The following TPPP variants were observed in gnomAD, a reference collection of about 807,000 sequenced individuals.
TPPP encodes tubulin polymerization-promoting protein.
TPPP carries 6 observed loss-of-function variants against 15.5 expected under a neutral mutation model. The ratio of observed to expected loss-of-function variants is 0.39; its 90% CI spans 0.21 to 0.77. The LOEUF is 0.77. TPPP is among the 30% of genes least tolerant of loss of function. The pLI is 0.42. For synonymous variants in TPPP, 146 were observed against 133.9 expected (o/e 1.09, Z -0.63); for missense variants, 269 against 307.2 (o/e 0.88, Z 0.93).
intron 1 of TPPP, among the ~76,000 whole-genome samples, chr5:682,114 A>C (rs1740640156): frequency 6.6e-6 from 1 of 150,858 alleles, no homozygotes; most frequent in South Asian, 2.1e-4. Context: ...AACTTACAGA[A>C]AACCTGCCAG....
intron 1 of TPPP, among the ~76,000 whole-genome samples, chr5:681,383 G>T (rs1740616536): frequency 2.0e-5 from 3 of 152,114 alleles, no homozygotes. Flanking sequence ...AGCCCCCAGG[G>T]GGTCACCCTG....
chr5:675,149 A>AGGGGTGCAGTGTGGCTG (rs1740367197), intron 2 of TPPP, among the ~76,000 whole-genome samples: 1 of 85,932 alleles, frequency 1.2e-5, no homozygotes, highest in African/African-American at 4.6e-5. Context: ...CAGTGTGGCC[A>AGGGGTGCAGTGTGGCTG]GGGGTGCAGT....
At chr5:696,943 C>T (rs1352601228), upstream of TPPP, among the ~76,000 whole-genome samples, 3 of 149,248 alleles carry the variant, frequency 2.0e-5, no homozygotes, top group Admixed American at 6.8e-5. Context: ...TGTGTTTGCA[C>T]CTGTATGTCC....
chr5:665,919 G>GGGCC, intron 3 of TPPP, 51 bp downstream of exon 3: 4 of 344,042 alleles, frequency 1.2e-5, no homozygotes, highest in Non-Finnish European at 1.6e-5. Flanking sequence ...CACCTTCCAG[G>GGGCC]CCCCGCCCCC....
At chr5:676,986 A>G (rs1740468104) in intron 2 of TPPP, among the ~76,000 whole-genome samples, 1 of 114,506 alleles carries the variant, frequency 8.7e-6, no homozygotes, top group Non-Finnish European at 2.1e-5. Context: ...CACACGACGC[A>G]GAAACGCGCA....
intron 2 of TPPP, among the ~76,000 whole-genome samples, chr5:669,206 C>T (rs551815031): frequency 5.9e-5 from 9 of 152,274 alleles, no homozygotes; most frequent in South Asian, 4.1e-4. Context: ...AGGGCAGCCA[C>T]GCAGGGCACA....
chr5:674,226 AC>A (rs1479050816), intron 2 of TPPP, among the ~76,000 whole-genome samples: 1 of 152,154 alleles, frequency 6.6e-6, no homozygotes, highest in Non-Finnish European at 1.5e-5. Flanking sequence ...CACAGAGGGC[AC>A]CCAGGGACTC....
intron 2 of TPPP, among the ~76,000 whole-genome samples, chr5:670,026 C>T (rs955698500): frequency 3.3e-5 from 5 of 152,200 alleles, no homozygotes; most frequent in Admixed American, 6.5e-5. Flanking sequence ...AGGACGCAGC[C>T]GCTGCTCATA....
In TPPP at chr5:664,872, G is replaced by A; in HGVS notation, c.*230C>T. The stretch of plus-strand genomic sequence containing the variant: ...GGAAATGGCTGAGGACGAGGCAGGT[G>A]TATTAGGAGGGTCAGCGAACTGGGG... On this transcript the variant is annotated 3_prime_UTR_variant, in exon 4 of 4. Coordinates refer to ENST00000360578, the MANE Select transcript of TPPP (RefSeq NM_007030.3). 1.7e-6 allele frequency: 1 copy of A among 573,824 alleles called. No homozygotes were observed. The highest frequency in any genetic ancestry group is 2.9e-5 in the East Asian group (1 of 34,696). 35.5% of individuals were successfully genotyped at this position (573,824 alleles called of 1,614,324 possible).
At chr5:668,728 G>A (rs1383824156) in intron 2 of TPPP, among the ~76,000 whole-genome samples, 1 of 152,220 alleles carries the variant, frequency 6.6e-6, no homozygotes, top group African/African-American at 2.4e-5. Flanking sequence ...ACACATAAAC[G>A]CAAATGTTTA....
intron 1 of TPPP, among the ~76,000 whole-genome samples, chr5:682,915 A>G (rs572587573): frequency 6.6e-6 from 1 of 152,216 alleles, no homozygotes; most frequent in Admixed American, 6.5e-5. Context: ...AGTGGGAGCT[A>G]CCACCCCTCA....
intron 1 of TPPP, among the ~76,000 whole-genome samples, chr5:684,227 G>A (rs1408064855): frequency 2.6e-5 from 4 of 152,342 alleles, no homozygotes; most frequent in Admixed American, 6.5e-5. Context: ...GCCCCAGGAC[G>A]CTGACTGAGG....
chr5:675,447 T>G (rs1580087975), intron 2 of TPPP, among the ~76,000 whole-genome samples: 1 of 27,088 alleles, frequency 3.7e-5, no homozygotes. Context: ...GGGTGCAGTG[T>G]GGCTGGGGTG....
At chr5:679,341 G>GA (rs1323287662) in intron 1 of TPPP, among the ~76,000 whole-genome samples, 1 of 151,082 alleles carries the variant, frequency 6.6e-6, no homozygotes, top group Non-Finnish European at 1.5e-5. Flanking sequence ...CAAAAATGCA[G>GA]ATGCCAACCC....
At chr5:679,103 G>A (rs1238235857) in intron 1 of TPPP, among the ~76,000 whole-genome samples, 1 of 152,196 alleles carries the variant, frequency 6.6e-6, no homozygotes, top group Non-Finnish European at 1.5e-5. Context: ...ACACAGGTAG[G>A]TGTCCCAACC....
chr5:670,035 T>A (rs1740153453), intron 2 of TPPP, among the ~76,000 whole-genome samples: 1 of 152,116 alleles, frequency 6.6e-6, no homozygotes, highest in African/African-American at 2.4e-5. Context: ...CCGCTGCTCA[T>A]ACACGATGCC....
chr5:671,097 G>A (rs1740205085), intron 2 of TPPP, among the ~76,000 whole-genome samples: 2 of 152,224 alleles, frequency 1.3e-5, no homozygotes, highest in Admixed American at 1.3e-4. Flanking sequence ...CCGGTCGGGG[G>A]GCTGCCTGAG....
At chr5:669,811 G>C (rs555145637) in intron 2 of TPPP, among the ~76,000 whole-genome samples, 1 of 152,064 alleles carries the variant, frequency 6.6e-6, no homozygotes, top group African/African-American at 2.4e-5. Flanking sequence ...GGTGCCCCCC[G>C]CCTGGGGCAG....
chr5:688,864 G>A (rs1273408044), intron 1 of TPPP, among the ~76,000 whole-genome samples: 12 of 121,850 alleles, frequency 9.8e-5, no homozygotes, highest in African/African-American at 3.0e-4. Flanking sequence ...ATGCAGCCAC[G>A]GTGGCCAGGT....
Sources: allele counts gnomAD v4.1 joint callset (sites outside exome capture counted in the v4.1 genomes callset), GRCh38; gene constraint gnomAD v4.1.1; transcripts MANE v1.5; gene names NCBI Gene and HGNC (gene_info 2026-07-23, HGNC 2026-07-21).